The following FAM78B variants were observed in gnomAD, a reference collection of about 807,000 sequenced individuals.
FAM78B encodes family with sequence similarity 78 member B.
FAM78B carries 10 observed loss-of-function variants against 20.0 expected under a neutral mutation model. That is an observed-to-expected ratio of 0.50 (90% confidence interval 0.31 to 0.85). The LOEUF (loss-of-function observed/expected upper bound fraction) is 0.85. Among genes scored for constraint, FAM78B ranks in the 40% least tolerant of loss-of-function variants. The pLI, the probability that FAM78B is intolerant of heterozygous loss-of-function variation, is 0.05. For synonymous variants in FAM78B, 135 were observed against 132.8 expected (o/e 1.02, Z -0.12); for missense variants, 283 against 345.0 (o/e 0.82, Z 1.42).
intron 1 of FAM78B, 146 bp downstream of exon 1, chr1:166,165,840 G>A (rs1656349995): frequency 1.1e-6 from 1 of 884,396 alleles, no homozygotes. Context: ...AAAGCGTAGG[G>A]AGGAGGGAGG....
intron 1 of FAM78B, among the ~76,000 whole-genome samples, chr1:166,083,613 T>G (rs1245190671): frequency 6.6e-6 from 1 of 152,182 alleles, no homozygotes; most frequent in Admixed American, 6.5e-5. Flanking sequence ...CAAGTGCTTC[T>G]CCTGCCTCAG....
intron 1 of FAM78B, among the ~76,000 whole-genome samples, chr1:166,160,688 G>C (rs1389039134): frequency 6.6e-6 from 1 of 152,202 alleles, no homozygotes. Context: ...GAAGAGGACA[G>C]ACTATTTGAG....
intron 1 of FAM78B, among the ~76,000 whole-genome samples, chr1:166,154,124 G>A (rs1486898388): frequency 1.3e-5 from 2 of 152,236 alleles, no homozygotes; most frequent in Non-Finnish European, 2.9e-5. Context: ...GAGCCCTGCT[G>A]TCAGGGGAGG....
chr1:166,090,331 C>T (rs1418228272), intron 1 of FAM78B, among the ~76,000 whole-genome samples: 1 of 152,192 alleles, frequency 6.6e-6, no homozygotes, highest in East Asian at 1.9e-4. Flanking sequence ...ATCATCTGTC[C>T]ACACACTGAC....
chr1:166,143,108 G>A (rs1010751684), intron 1 of FAM78B, among the ~76,000 whole-genome samples: 1 of 152,138 alleles, frequency 6.6e-6, no homozygotes, highest in African/African-American at 2.4e-5. Flanking sequence ...TCTTTAAGTA[G>A]CCATAATAAT....
chr1:166,160,791 A>G (rs922156014), intron 1 of FAM78B, among the ~76,000 whole-genome samples: 3 of 152,250 alleles, frequency 2.0e-5, no homozygotes, highest in African/African-American at 7.2e-5. Context: ...GATGGACATG[A>G]CATCTGCTTT....
chr1:166,113,526 A>G (rs1571174656), intron 1 of FAM78B, among the ~76,000 whole-genome samples: 1 of 152,348 alleles, frequency 6.6e-6, no homozygotes, highest in South Asian at 2.1e-4. Context: ...GCCCATTAGG[A>G]TTTACCCTCC....
intron 1 of FAM78B, among the ~76,000 whole-genome samples, chr1:166,100,472 GA>G (rs777644698): frequency 1.6e-4 from 24 of 152,306 alleles, no homozygotes; most frequent in Non-Finnish European, 3.2e-4. Context: ...ATGGCACCTG[GA>G]AAATCGGGTC....
intron 1 of FAM78B, among the ~76,000 whole-genome samples, chr1:166,136,588 C>CA (rs1345662896): frequency 2.6e-5 from 4 of 151,676 alleles, no homozygotes; most frequent in African/African-American, 7.3e-5. Flanking sequence ...TAAGTAATGG[C>CA]AAAAAAATAA....
intron 1 of FAM78B, among the ~76,000 whole-genome samples, chr1:166,093,152 C>T (rs573918488): frequency 6.6e-6 from 1 of 152,164 alleles, no homozygotes; most frequent in South Asian, 2.1e-4. Context: ...AAATAAACAC[C>T]TATTAAATTT....
chr1:166,117,412 C>T (rs1242466467), intron 1 of FAM78B, among the ~76,000 whole-genome samples: 2 of 151,816 alleles, frequency 1.3e-5, no homozygotes, highest in African/African-American at 4.8e-5. Context: ...TTGTGAGGCA[C>T]ATTTTCCTTT....
chr1:166,060,163 GC>G, exon 3 of FAM78B: 1 of 185,164 alleles, frequency 5.4e-6, no homozygotes, highest in South Asian at 1.1e-4. Context: ...ACCTAGAGAG[GC>G]CACCCACATG....
intron 1 of FAM78B, among the ~76,000 whole-genome samples, chr1:166,148,452 A>T (rs529511526): frequency 6.6e-6 from 1 of 152,368 alleles, no homozygotes; most frequent in African/African-American, 2.4e-5. Context: ...AAGTTTGGGC[A>T]ACTTACATGG....
chr1:166,105,521 C>T (rs538550518), intron 1 of FAM78B, among the ~76,000 whole-genome samples: 9 of 152,296 alleles, frequency 5.9e-5, no homozygotes, highest in African/African-American at 1.9e-4. Context: ...AAAAAGCAAA[C>T]AACCCCATCA....
chr1:166,091,379 C>A (rs548519203), intron 1 of FAM78B, among the ~76,000 whole-genome samples: 1 of 152,112 alleles, frequency 6.6e-6, no homozygotes, highest in South Asian at 2.1e-4. Context: ...CTTTCTCTTG[C>A]TGTTCTCATG....
intron 1 of FAM78B, among the ~76,000 whole-genome samples, chr1:166,098,473 T>C (rs1557898950): frequency 1.3e-5 from 2 of 152,154 alleles, no homozygotes; most frequent in East Asian, 3.9e-4. Context: ...TGAAGCCCAG[T>C]GCAAGGAAAT....
chr1:166,072,359 C>G (rs1652083578), intron 1 of FAM78B, among the ~76,000 whole-genome samples: 1 of 152,194 alleles, frequency 6.6e-6, no homozygotes, highest in South Asian at 2.1e-4. Context: ...TTGTCATGCC[C>G]TTGGTAACTG....
intron 1 of FAM78B, among the ~76,000 whole-genome samples, chr1:166,090,274 C>T (rs767154948): frequency 6.6e-6 from 1 of 151,646 alleles, no homozygotes; most frequent in African/African-American, 2.4e-5. Context: ...CTTCTGAGCA[C>T]GTAAACACAA....
chr1:166,139,650 T>C (rs12026246), intron 1 of FAM78B, among the ~76,000 whole-genome samples: 143,099 of 152,176 alleles, frequency 0.94, 67,966 homozygotes, highest in East Asian at 1. Context: ...GATGGGTTTG[T>C]GACTGGCTTC....
Sources: allele counts gnomAD v4.1 joint callset (sites outside exome capture counted in the v4.1 genomes callset), GRCh38; gene constraint gnomAD v4.1.1; transcripts MANE v1.5; gene names NCBI Gene and HGNC (gene_info 2026-07-23, HGNC 2026-07-21).